CHAF1B: variants seen among roughly 807,000 people sequenced by gnomAD.
CHAF1B encodes the protein chromatin assembly factor 1 subunit B.
In CHAF1B, 10 loss-of-function variants were observed where a neutral mutation model predicts 60.7. The observed-to-expected ratio is 0.16, with a 90% confidence interval of 0.10 to 0.28. CHAF1B has a LOEUF of 0.28. CHAF1B is among the 10% of genes least tolerant of loss of function. The pLI is 1.00. For missense variants in CHAF1B, 558 were observed against 708.4 expected (o/e 0.79, Z 2.41); for synonymous variants, 261 against 266.1 (o/e 0.98, Z 0.19).
At chr21:36,387,325 A>T (rs2086043345) in intron 2 of CHAF1B, among the ~76,000 whole-genome samples, 1 of 148,300 alleles carries the variant, frequency 6.7e-6, no homozygotes, top group Non-Finnish European at 1.5e-5. Context: ...GGCTCAAGTG[A>T]TCCTCCCTCT....
At chr21:36,402,881 A>G (rs2086202894) in intron 8 of CHAF1B, 30 bp downstream of exon 8, 2 of 1,554,656 alleles carry the variant, frequency 1.3e-6, no homozygotes, top group East Asian at 4.5e-5. Context: ...ACTTAAAGGA[A>G]TGATGGCCGA....
chr21:36,406,998 G>C (rs1370287341), intron 8 of CHAF1B, among the ~76,000 whole-genome samples: 1 of 152,106 alleles, frequency 6.6e-6, no homozygotes, highest in African/African-American at 2.4e-5. Context: ...GAATGGAGAA[G>C]ACCCAATTAA....
intron 8 of CHAF1B, among the ~76,000 whole-genome samples, chr21:36,408,532 T>A (rs976591686): frequency 1.3e-5 from 2 of 152,154 alleles, no homozygotes; most frequent in Non-Finnish European, 2.9e-5. Context: ...TCCCCGGGGA[T>A]TGCCCACAGG....
chr21:36,406,754 A>T (rs894115035), intron 8 of CHAF1B, among the ~76,000 whole-genome samples: 1 of 152,178 alleles, frequency 6.6e-6, no homozygotes, highest in Non-Finnish European at 1.5e-5. Context: ...AGCATTTTTC[A>T]GGAATATAAT....
Position 36,416,368 on chromosome 21 carries a change from G to A in CHAF1B, c.*2G>A, listed in dbSNP as rs745779016. 8 of 1,612,858 alleles carry A rather than the reference G, an allele frequency of 5.0e-6. No individual in the cohort carries two copies. Among genetic ancestry groups the A allele is most frequent in the African/African-American group, 2.7e-5 (2 of 74,914 alleles). On this transcript the variant is annotated 3_prime_UTR_variant, in exon 14 of 14. Coordinates refer to ENST00000314103, the MANE Select transcript of CHAF1B (RefSeq NM_005441.3). The stretch of plus-strand genomic sequence containing the variant: ...GGCACGGAAAGTCTGGACCCTTGAT[G>A]GGACCTCGGCTTCTGCTCGAAGCCT...
chr21:36,394,465 C>A, intron 4 of CHAF1B, 82 bp from the exon 5 acceptor site: 1 of 950,786 alleles, frequency 1.1e-6, no homozygotes, highest in South Asian at 1.4e-5. Flanking sequence ...CTACCTTGGC[C>A]TCCCAAAGTG....
chr21:36,390,716 C>T (rs994380729), intron 3 of CHAF1B, among the ~76,000 whole-genome samples: 11 of 152,162 alleles, frequency 7.2e-5, no homozygotes, highest in African/African-American at 2.7e-4. Context: ...AGTGCAGTGG[C>T]AAGATCAGGA....
At chr21:36,389,802 C>T (rs146528592) in intron 3 of CHAF1B, among the ~76,000 whole-genome samples, 1,152 of 76,118 alleles carry the variant, frequency 0.015, 13 homozygotes, top group African/African-American at 0.067. Flanking sequence ...TGTGTGTGTG[C>T]GCGCGCACGC....
rs757497097 is a variant in CHAF1B, at chr21:36,411,575, A to G, written c.1032A>G (p.Ile344Met). ...TCCCTTTTGGTTACGTGTCTAATAT[A>G]CATTACCACACCCTCAGTGACATTT... Reference protein sequence around the residue: ...QSFPFGYVSNIHYHTLSDISW... With the variant: ...QSFPFGYVSNMHYHTLSDISW... Residue 344 changes from isoleucine to methionine, a missense_variant, in exon 11 of 14, where the codon ATA (isoleucine) becomes ATG (methionine). By Grantham distance (10) the Ile-to-Met change is conservative (BLOSUM62 1). Around this residue, in one of 2 missense-constraint regions of CHAF1B, gnomAD observed 325 missense variants for 493.5 expected, o/e 0.66. Coordinates refer to ENST00000314103, the MANE Select transcript of CHAF1B (RefSeq NM_005441.3). 1 of 1,613,980 alleles carries G rather than the reference A, an allele frequency of 6.2e-7. No individual in the cohort carries two copies. The highest frequency in any genetic ancestry group is 8.5e-7 in the Non-Finnish European group (1 of 1,179,994).
intron 10 of CHAF1B, 122 bp from the exon 11 acceptor site, chr21:36,411,341 T>G: frequency 6.0e-6 from 7 of 1,172,784 alleles, no homozygotes; most frequent in Non-Finnish European, 8.6e-6. Context: ...CTCAAACTCC[T>G]GAGCTCAAGT....
At chr21:36,401,597 A>ATTTTATATTATACATAATATATAT (rs1555912852) in intron 7 of CHAF1B, among the ~76,000 whole-genome samples, 16,687 of 77,278 alleles carry the variant, frequency 0.22, 3,666 homozygotes, top group African/African-American at 0.37. Flanking sequence ...CATAATATAT[A>ATTTTATATTATACATAATATATAT]TTTTATATTA....
chr21:36,388,156 C>T (rs900350185), intron 3 of CHAF1B, among the ~76,000 whole-genome samples: 1 of 151,992 alleles, frequency 6.6e-6, no homozygotes, highest in Non-Finnish European at 1.5e-5. Context: ...GTGGCTGACC[C>T]TCTCAATCTG....
chr21:36,405,673 C>G (rs973156682), intron 8 of CHAF1B, among the ~76,000 whole-genome samples: 2 of 152,016 alleles, frequency 1.3e-5, no homozygotes, highest in African/African-American at 4.8e-5. Flanking sequence ...TCAAGCACCC[C>G]TTCCGCCTCG....
chr21:36,397,396 G>A lies in CHAF1B; in HGVS notation c.482-19G>A. On this transcript the variant is annotated intron_variant, in intron 5 of 13. Coordinates refer to ENST00000314103, the MANE Select transcript of CHAF1B (RefSeq NM_005441.3). ...TTGGTAATGCTGTTTTGGTGCGTGT[G>A]TGTGTGTTTTTTTTGTAGGACAAAA... 2 of 1,336,638 alleles carry A rather than the reference G, an allele frequency of 1.5e-6. No homozygotes were observed. The highest frequency in any genetic ancestry group is 2.1e-6 in the Non-Finnish European group (2 of 953,786). 82.8% of individuals were successfully genotyped at this position (1,336,638 alleles called of 1,614,324 possible).
In CHAF1B at chr21:36,409,427, G is replaced by C; in HGVS notation, c.881G>C (p.Cys294Ser). 6.2e-7 allele frequency: 1 copy of C among 1,613,814 alleles called. No individual in the cohort carries two copies. The highest frequency in any genetic ancestry group is 8.5e-7 in the Non-Finnish European group (1 of 1,179,902). ...AAAGCCACTCTTGCTGTTCGCTGCT[G>C]TCCGGTCTACTTTGAACTGAGGCCA... Reference protein sequence around the residue: ...PGKATLAVRCCPVYFELRPVV... With the variant: ...PGKATLAVRCSPVYFELRPVV... Residue 294 changes from cysteine to serine, a missense_variant, in exon 10 of 14, where the codon TGT (cysteine) becomes TCT (serine). Coordinates refer to ENST00000314103, the MANE Select transcript of CHAF1B (RefSeq NM_005441.3).
chr21:36,408,522 T>C (rs2086254157), intron 8 of CHAF1B, among the ~76,000 whole-genome samples: 1 of 152,102 alleles, frequency 6.6e-6, no homozygotes. Flanking sequence ...CAGAACCAGG[T>C]CCCCGGGGAT....
chr21:36,400,128 G>A (rs548458315), intron 7 of CHAF1B, among the ~76,000 whole-genome samples: 84 of 151,892 alleles, frequency 5.5e-4, no homozygotes, highest in African/African-American at 2.0e-3. Context: ...AGCCGTGAGC[G>A]GAGATCATGC....
intron 6 of CHAF1B, 93 bp downstream of exon 6, chr21:36,397,604 T>G (rs1017196584): frequency 5.3e-6 from 3 of 562,790 alleles, no homozygotes; most frequent in Non-Finnish European, 9.2e-6. Flanking sequence ...CCAAGATTTA[T>G]CATAGTCTAA....
chr21:36,394,451 C>A, intron 4 of CHAF1B, 96 bp from the exon 5 acceptor site: 1 of 774,818 alleles, frequency 1.3e-6, no homozygotes, highest in Non-Finnish European at 2.2e-6. Context: ...CACAGGCAGT[C>A]TGTCTACCTT....
Sources: allele counts gnomAD v4.1 joint callset (sites outside exome capture counted in the v4.1 genomes callset), GRCh38; gene constraint gnomAD v4.1.1; regional missense constraint gnomAD v4.1.1; transcripts MANE v1.5; gene names NCBI Gene and HGNC (gene_info 2026-07-23, HGNC 2026-07-21).